CSMD1: variants seen among roughly 807,000 people sequenced by gnomAD.
CSMD1 encodes the protein CUB and sushi domain-containing protein 1.
A neutral mutation model predicts 417.5 loss-of-function variants in CSMD1; 213 were observed. The ratio of observed to expected loss-of-function variants is 0.51; its 90% CI spans 0.46 to 0.57. CSMD1 has a LOEUF of 0.57. Among genes scored for constraint, CSMD1 ranks in the 20% least tolerant of loss-of-function variants. The pLI is 0.00. For synonymous variants in CSMD1, 2,862 were observed against 1,736.8 expected, an observed-to-expected ratio of 1.65 and a Z score of -16.11; for missense variants, 6,923 against 4,529.7, an observed-to-expected ratio of 1.53 and a Z score of -15.17.
At chr8:3,473,049 C>T (rs965937809) in intron 11 of CSMD1, among the ~76,000 whole-genome samples, 10 of 152,048 alleles carry the variant, frequency 6.6e-5, no homozygotes, top group Admixed American at 1.3e-4. Flanking sequence ...CCTAGACATT[C>T]GACTTGATTT....
At chr8:4,449,304 A>C (rs1798993215) in intron 2 of CSMD1, among the ~76,000 whole-genome samples, 1 of 152,200 alleles carries the variant, frequency 6.6e-6, no homozygotes, top group Non-Finnish European at 1.5e-5. Flanking sequence ...GGAGCAGATG[A>C]AAAGACTCAA....
intron 7 of CSMD1, among the ~76,000 whole-genome samples, chr8:3,695,285 C>T (rs551206926): frequency 3.3e-5 from 5 of 151,988 alleles, no homozygotes; most frequent in Non-Finnish European, 7.3e-5. Context: ...TATAGTGCCG[C>T]GATGCAGAAT....
intron 5 of CSMD1, among the ~76,000 whole-genome samples, chr8:3,935,731 T>A (rs551379898): frequency 6.6e-6 from 1 of 152,156 alleles, no homozygotes; most frequent in Non-Finnish European, 1.5e-5. Flanking sequence ...CCTCCTTCAT[T>A]GGGCCTCGCT....
intron 23 of CSMD1, among the ~76,000 whole-genome samples, chr8:3,342,489 A>G (rs1357227347): frequency 6.6e-6 from 1 of 152,196 alleles, no homozygotes; most frequent in Non-Finnish European, 1.5e-5. Context: ...ATTTTAATTA[A>G]TTAGTTAATT....
At chr8:4,161,945 T>A (rs1052083377) in intron 3 of CSMD1, among the ~76,000 whole-genome samples, 11 of 152,220 alleles carry the variant, frequency 7.2e-5, no homozygotes, top group African/African-American at 2.7e-4. Context: ...TCAGTAAGTA[T>A]AGTACACAAC....
rs375844761 is a variant in CSMD1 at position 4,357,685 on chromosome 8, A to C, written c.415+62268T>G. On this transcript the variant is annotated intron_variant, in intron 3 of 69. Transcript: ENST00000635120. ...AAGTTTTCTTCATGGTAGGACTTCAAAAACTTAACAAATAATCAGAATTAA... is the reference window on the plus strand; with the variant it reads ...AAGTTTTCTTCATGGTAGGACTTCACAAACTTAACAAATAATCAGAATTAA... Among the ~76,000 whole-genome samples the C allele has an allele frequency of 2.1e-3, 314 of 152,294 alleles. 2 individuals are homozygous for C. The highest frequency in any genetic ancestry group is 7.1e-3 in the African/African-American group (296 of 41,574).
chr8:4,822,469 G>A (rs914376669), intron 1 of CSMD1, among the ~76,000 whole-genome samples: 1 of 152,076 alleles, frequency 6.6e-6, no homozygotes, highest in East Asian at 1.9e-4. Context: ...GTCAGTTTAC[G>A]TGGATTGTAA....
chr8:4,034,604 C>T (rs776054902), intron 3 of CSMD1, among the ~76,000 whole-genome samples: 8 of 152,120 alleles, frequency 5.3e-5, no homozygotes, highest in Non-Finnish European at 1.0e-4. Context: ...TGTCCATCAG[C>T]TGAGCCGAGA....
intron 3 of CSMD1, among the ~76,000 whole-genome samples, chr8:4,392,977 AAAAC>A (rs943528491): frequency 1.2e-4 from 19 of 152,134 alleles, no homozygotes; most frequent in African/African-American, 3.6e-4. Context: ...TCAAAAATAA[AAAAC>A]AAACAAAAAA....
At chr8:3,078,255 T>A (rs1466221502) in intron 49 of CSMD1, among the ~76,000 whole-genome samples, 1 of 152,198 alleles carries the variant, frequency 6.6e-6, no homozygotes, top group Admixed American at 6.5e-5. Flanking sequence ...AAATTACCCT[T>A]TTTGAACACT....
At chr8:3,199,655 T>C in intron 33 of CSMD1, 59 bp downstream of exon 33, 3 of 1,111,382 alleles carry the variant, frequency 2.7e-6, no homozygotes, top group Non-Finnish European at 3.8e-6. Flanking sequence ...AGACTAGCCG[T>C]GGGTGCAGCA....
intron 3 of CSMD1, among the ~76,000 whole-genome samples, chr8:4,333,181 G>A (rs1799974581): frequency 1.3e-5 from 2 of 152,064 alleles, no homozygotes; most frequent in South Asian, 2.1e-4. Context: ...TTCGCAAGTT[G>A]GGATATCATG....
At chr8:4,195,674 G>T (rs779513758) in intron 3 of CSMD1, among the ~76,000 whole-genome samples, 1 of 152,166 alleles carries the variant, frequency 6.6e-6, no homozygotes, top group Non-Finnish European at 1.5e-5. Context: ...TGAAGCAGAG[G>T]CTGTGTTGAA....
chr8:3,431,140 C>A (rs372275587), intron 12 of CSMD1, among the ~76,000 whole-genome samples: 59 of 152,140 alleles, frequency 3.9e-4, no homozygotes, highest in Non-Finnish European at 6.8e-4. Flanking sequence ...AAAACACCAA[C>A]AGAGCTAGCA....
At chr8:4,083,284 C>A (rs926123417) in intron 3 of CSMD1, among the ~76,000 whole-genome samples, 1 of 152,120 alleles carries the variant, frequency 6.6e-6, no homozygotes, top group Non-Finnish European at 1.5e-5. Context: ...CTGTCGTTTC[C>A]TGACTTTTTA....
At chr8:3,923,472 G>A (rs1375299911) in intron 5 of CSMD1, among the ~76,000 whole-genome samples, 3 of 151,962 alleles carry the variant, frequency 2.0e-5, no homozygotes, top group African/African-American at 2.4e-5. Flanking sequence ...TGCCATTTAT[G>A]TGGGACATGT....
chr8:4,659,475 C>G (rs76120552), intron 1 of CSMD1, among the ~76,000 whole-genome samples: 4,899 of 152,210 alleles, frequency 0.032, 119 homozygotes, highest in East Asian at 0.12. Flanking sequence ...GAAGGAAGTA[C>G]TGACACAGGC....
rs866487352 is a variant in CSMD1 at position 4,701,398 on chromosome 8, C to T, written c.86-63840G>A. Reference sequence around the variant, plus strand: ...GGCACCTAACAGAGCACCCAGGATGCGTTCCCTTACTTTGTCCTGTGCCTG... The same window carrying T: ...GGCACCTAACAGAGCACCCAGGATGTGTTCCCTTACTTTGTCCTGTGCCTG... On this transcript the variant is annotated intron_variant, in intron 1 of 69. Transcript: ENST00000635120. 2.6e-5 allele frequency among the ~76,000 whole-genome samples: 4 copies of T among 151,644 alleles called. No homozygotes were observed. The East Asian group carries it at 5.8e-4, about 22-fold the overall frequency.
chr8:3,530,348 G>C lies in CSMD1; in HGVS notation c.1345-36622C>G, dbSNP rs142653032. Among the ~76,000 whole-genome samples, 1,144 of 152,180 alleles carry C rather than the reference G, an allele frequency of 7.5e-3. 7 individuals are homozygous for C. Among genetic ancestry groups the C allele is most frequent in the Middle Eastern group, 0.027 (8 of 294 alleles). On this transcript the variant is annotated intron_variant, in intron 10 of 69. Transcript: ENST00000635120. ...GGCTGCATCCTGTAAGTTTTGGTAT[G>C]TTGTAATTTCATTTTCATTTGTCTC...
Sources: allele counts gnomAD v4.1 joint callset (sites outside exome capture counted in the v4.1 genomes callset), GRCh38; gene constraint gnomAD v4.1.1; transcripts MANE v1.5; gene names NCBI Gene and HGNC (gene_info 2026-07-23, HGNC 2026-07-21).